MYO1D: variants seen among roughly 807,000 people sequenced by gnomAD.
MYO1D encodes the protein unconventional myosin-Id.
In MYO1D, 83 loss-of-function variants were observed where a neutral mutation model predicts 122.0. The ratio of observed to expected loss-of-function variants is 0.68; its 90% CI spans 0.57 to 0.82. The LOEUF is 0.82. Among genes scored for constraint, MYO1D ranks in the 40% least tolerant of loss-of-function variants. The pLI is 0.00. For synonymous variants in MYO1D, 464 were observed against 446.9 expected, an observed-to-expected ratio of 1.04 and a Z score of -0.48; for missense variants, 1,157 against 1,269.5, an observed-to-expected ratio of 0.91 and a Z score of 1.35.
chr17:32,733,265 C>T (rs2089661418), intron 14 of MYO1D, among the ~76,000 whole-genome samples: 1 of 152,172 alleles, frequency 6.6e-6, no homozygotes, highest in African/African-American at 2.4e-5. Flanking sequence ...AAGTCACACC[C>T]CAAGGATTCT....
At chr17:32,818,125 C>CAAAAAAAAAAAAAA (rs58466009) in intron 1 of MYO1D, among the ~76,000 whole-genome samples, 26 of 46,000 alleles carry the variant, frequency 5.7e-4, no homozygotes, top group African/African-American at 1.5e-3. Context: ...GACTCCGTCT[C>CAAAAAAAAAAAAAA]AAAAAAAAAA....
chr17:32,618,230 G>C (rs565116738), intron 20 of MYO1D, among the ~76,000 whole-genome samples: 1 of 152,294 alleles, frequency 6.6e-6, no homozygotes, highest in African/African-American at 2.4e-5. Flanking sequence ...CCAAGTGCTT[G>C]TTGTGAGCCT....
chr17:32,544,817 ATACT>A (rs2086952280), intron 21 of MYO1D, among the ~76,000 whole-genome samples: 1 of 152,218 alleles, frequency 6.6e-6, no homozygotes, highest in South Asian at 2.1e-4. Flanking sequence ...ACACACACTC[ATACT>A]TACAACCTTT....
chr17:32,647,687 A>ATTT (rs10561856), intron 19 of MYO1D, among the ~76,000 whole-genome samples: 1 of 136,386 alleles, frequency 7.3e-6, no homozygotes, highest in Non-Finnish European at 1.6e-5. Flanking sequence ...TAGCTTATAC[A>ATTT]TTTTTTTTTT....
intron 21 of MYO1D, among the ~76,000 whole-genome samples, chr17:32,554,279 A>T (rs2087048886): frequency 6.6e-6 from 1 of 152,072 alleles, no homozygotes; most frequent in Non-Finnish European, 1.5e-5. Context: ...TGTACTCTGT[A>T]CAATTAGACT....
At chr17:32,518,235 C>T (rs73274279) in intron 21 of MYO1D, 1,864 of 186,376 alleles carry the variant, frequency 0.01, 32 homozygotes, top group African/African-American at 0.042. Context: ...TGTGTCAGCC[C>T]TTGTGGAACA....
At chr17:32,811,563 T>C (rs536944791) in intron 1 of MYO1D, among the ~76,000 whole-genome samples, 1 of 151,938 alleles carries the variant, frequency 6.6e-6, no homozygotes, top group East Asian at 1.9e-4. Context: ...TTTCAAACCT[T>C]GTAGTAGACA....
intron 16 of MYO1D, among the ~76,000 whole-genome samples, chr17:32,673,090 CTTTTTTTTTTTTTTT>C (rs60912187): frequency 0.036 from 1,032 of 28,590 alleles, 15 homozygotes; most frequent in African/African-American, 0.067. Context: ...AAACATGCTA[CTTTTTTTTTTTTTTT>C]TTTTTTTTTT....
intron 21 of MYO1D, among the ~76,000 whole-genome samples, chr17:32,504,375 A>G (rs1462918688): frequency 6.6e-6 from 1 of 152,132 alleles, no homozygotes; most frequent in South Asian, 2.1e-4. Context: ...TGACTCATGG[A>G]GCGCCCAGGG....
At chr17:32,820,071 A>T (rs2090647033) in intron 1 of MYO1D, among the ~76,000 whole-genome samples, 1 of 152,190 alleles carries the variant, frequency 6.6e-6, no homozygotes, top group Non-Finnish European at 1.5e-5. Context: ...GGTTCAAAAC[A>T]TGGTCACTGT....
intron 1 of MYO1D, chr17:32,794,434 ATTCTT>A (rs1452901799): frequency 6.6e-6 from 1 of 152,066 alleles, no homozygotes; most frequent in African/African-American, 2.4e-5. Flanking sequence ...TCAAAACACA[ATTCTT>A]TTATTTATTA....
At chr17:32,506,168 CTG>C (rs1255672626) in intron 21 of MYO1D, among the ~76,000 whole-genome samples, 1 of 152,204 alleles carries the variant, frequency 6.6e-6, no homozygotes, top group Non-Finnish European at 1.5e-5. Flanking sequence ...AGGAAAGAGA[CTG>C]AATCTAGAAG....
At chr17:32,822,295 G>A (rs2090672966) in intron 1 of MYO1D, among the ~76,000 whole-genome samples, 1 of 149,238 alleles carries the variant, frequency 6.7e-6, no homozygotes, top group South Asian at 2.1e-4. Flanking sequence ...AACACCGCAT[G>A]TTCTCACTCA....
intron 1 of MYO1D, among the ~76,000 whole-genome samples, chr17:32,819,270 A>G (rs2090640164): frequency 6.6e-6 from 1 of 150,768 alleles, no homozygotes; most frequent in Admixed American, 6.6e-5. Context: ...TAGCTTGGTT[A>G]TAAGCAGGGA....
chr17:32,746,827 T>C (rs1272500508), intron 12 of MYO1D, among the ~76,000 whole-genome samples: 1 of 152,196 alleles, frequency 6.6e-6, no homozygotes, highest in Non-Finnish European at 1.5e-5. Context: ...ACCTAGGTAT[T>C]GTCTCAGTTC....
chr17:32,721,269 A>G (rs1250266079), intron 14 of MYO1D, 80 bp from the exon 15 acceptor site: 2 of 1,318,750 alleles, frequency 1.5e-6, no homozygotes, highest in Non-Finnish European at 2.1e-6. Context: ...AATTAGTGTT[A>G]ATTGTGTCAA....
chr17:32,718,587 G>C (rs1430795533), intron 15 of MYO1D, among the ~76,000 whole-genome samples: 1 of 152,030 alleles, frequency 6.6e-6, no homozygotes, highest in Non-Finnish European at 1.5e-5. Context: ...TGTAATCCCA[G>C]CTATTTGGGA....
chr17:32,807,997 CTAT>C (rs770273564), intron 1 of MYO1D, among the ~76,000 whole-genome samples: 8 of 152,310 alleles, frequency 5.3e-5, no homozygotes, highest in Non-Finnish European at 1.2e-4. Context: ...TTTGTGGTTG[CTAT>C]TGTTACTATA....
chr17:32,851,550 C>T (rs1433004761), intron 1 of MYO1D, among the ~76,000 whole-genome samples: 4 of 152,254 alleles, frequency 2.6e-5, no homozygotes, highest in Non-Finnish European at 5.9e-5. Context: ...TCTACCAAGG[C>T]TTCCCATCAC....
Sources: gnomAD v4.1 joint callset for allele counts (sites outside exome capture counted in the v4.1 genomes callset) on GRCh38, gnomAD v4.1.1 for gene constraint, MANE v1.5 for transcripts, NCBI Gene and HGNC (gene_info 2026-07-23, HGNC 2026-07-21) for gene names.